Variants in PRKN observed in about 807,000 individuals in gnomAD.
The protein encoded by PRKN is parkin RBR E3 ubiquitin protein ligase, also known as E3 ubiquitin-protein ligase parkin.
Under a neutral mutation model 59.5 loss-of-function variants are expected in PRKN, and 56 were observed. The observed-to-expected ratio is 0.94, with a 90% confidence interval of 0.76 to 1.18. The LOEUF is 1.18. Ranked by LOEUF, PRKN falls within the 50% of genes most tolerant of loss-of-function variation. PRKN has a pLI of 0.00. For missense variants in PRKN, 657 were observed against 596.4 expected, an observed-to-expected ratio of 1.10 and a Z score of -1.06; for synonymous variants, 250 against 222.1, an observed-to-expected ratio of 1.13 and a Z score of -1.12.
chr6:161,520,798 C>T (rs1778792063), intron 9 of PRKN, among the ~76,000 whole-genome samples: 1 of 152,150 alleles, frequency 6.6e-6, no homozygotes, highest in Non-Finnish European at 1.5e-5. Flanking sequence ...GATGAGAAAG[C>T]TGTTCTTCCA....
intron 1 of PRKN, among the ~76,000 whole-genome samples, chr6:162,620,933 TC>T (rs1395680625): frequency 2.6e-5 from 4 of 152,228 alleles, no homozygotes; most frequent in African/African-American, 7.2e-5. Flanking sequence ...AAATTAATTT[TC>T]TCTCAGGTCT....
At chr6:162,174,936 C>T (rs2128320922) in intron 4 of PRKN, among the ~76,000 whole-genome samples, 1 of 152,288 alleles carries the variant, frequency 6.6e-6, no homozygotes, top group African/African-American at 2.4e-5. Flanking sequence ...TGTGCTACAG[C>T]TGGAGAAATT....
chr6:162,014,609 G>C (rs985354921), intron 5 of PRKN, among the ~76,000 whole-genome samples: 1 of 152,142 alleles, frequency 6.6e-6, no homozygotes. Flanking sequence ...GAACGGAAGC[G>C]AGCTGGTGCT....
chr6:162,725,273 C>G (rs1779098076), intron 1 of PRKN, among the ~76,000 whole-genome samples: 1 of 152,184 alleles, frequency 6.6e-6, no homozygotes, highest in African/African-American at 2.4e-5. Flanking sequence ...CAGAAAATCC[C>G]AGATACATAC....
chr6:162,581,223 A>T (rs1044728274), intron 1 of PRKN, among the ~76,000 whole-genome samples: 1 of 152,232 alleles, frequency 6.6e-6, no homozygotes, highest in Non-Finnish European at 1.5e-5. Context: ...TGAAGGTCAA[A>T]AGAGACAGTT....
chr6:161,460,868 GC>G lies in PRKN; in HGVS notation c.1084-73992del, dbSNP rs897781090. On this transcript the variant is annotated intron_variant, in intron 9 of 11. Coordinates refer to ENST00000366898, the MANE Select transcript of PRKN (RefSeq NM_004562.3). This position sits in a 1 kb window ranked among gnomAD's most constrained non-coding sequence, Gnocchi z 5.0. ...TGGTTCAAGCAATTCTCCTGCCTCGGCCTCCCAAGTAGCTGGGACTACAGGT... is the reference window on the plus strand; with the variant it reads ...TGGTTCAAGCAATTCTCCTGCCTCGGCTCCCAAGTAGCTGGGACTACAGGT... Among the ~76,000 whole-genome samples the G allele has an allele frequency of 4.6e-5, 7 of 151,648 alleles. No homozygotes were observed. The highest frequency in any genetic ancestry group is 1.7e-4 in the African/African-American group (7 of 41,374).
At chr6:161,867,147 T>C (rs1033242865) in intron 6 of PRKN, among the ~76,000 whole-genome samples, 1 of 152,188 alleles carries the variant, frequency 6.6e-6, no homozygotes, top group African/African-American at 2.4e-5. Flanking sequence ...ATATTGCGAG[T>C]TGATTTTGTC....
At chr6:161,954,222 A>G (rs78063699) in intron 6 of PRKN, among the ~76,000 whole-genome samples, 4 of 152,296 alleles carry the variant, frequency 2.6e-5, no homozygotes, top group African/African-American at 9.6e-5. Context: ...TTAGAGGCAT[A>G]TGGCTTCTGT....
intron 7 of PRKN, among the ~76,000 whole-genome samples, chr6:161,628,671 T>C (rs1401712861): frequency 2.0e-5 from 3 of 152,190 alleles, no homozygotes; most frequent in South Asian, 2.1e-4. Flanking sequence ...AGTAGAGACA[T>C]AGCACTTAGA....
chr6:162,236,043 G>A (rs1034400954), intron 3 of PRKN, among the ~76,000 whole-genome samples: 9 of 150,952 alleles, frequency 6.0e-5, no homozygotes, highest in African/African-American at 2.2e-4. Context: ...CCTTCAGTGT[G>A]ATCAAAAACA....
intron 2 of PRKN, among the ~76,000 whole-genome samples, chr6:162,283,912 C>G (rs141315255): frequency 2.0e-5 from 3 of 152,318 alleles, no homozygotes; most frequent in Middle Eastern, 3.4e-3. Flanking sequence ...TCTCCAGATT[C>G]ACCTTAATTT....
At chr6:162,092,530 A>G (rs914261227) in intron 4 of PRKN, among the ~76,000 whole-genome samples, 1 of 152,146 alleles carries the variant, frequency 6.6e-6, no homozygotes, top group East Asian at 1.9e-4. Flanking sequence ...AATTGCATGC[A>G]TTATTATGTT....
In PRKN at chr6:161,588,305, G is replaced by C. The variant is rs928660233; in HGVS notation, c.872-18889C>G. Among the ~76,000 whole-genome samples, 2 of 151,988 alleles carry C rather than the reference G, an allele frequency of 1.3e-5. No homozygotes were observed. The highest frequency in any genetic ancestry group is 6.6e-5 in the Admixed American group (1 of 15,258). On this transcript the variant is annotated intron_variant, in intron 7 of 11. Transcript: ENST00000366898. This position sits in a 1 kb window ranked among gnomAD's most constrained non-coding sequence, Gnocchi z 5.0. ...AGGCTGAGGCAGGAGAATTGCCTCA[G>C]GAGGAGGCAGGTTGTGGTGAGCCGA...
intron 6 of PRKN, among the ~76,000 whole-genome samples, chr6:161,860,136 T>C (rs12524695): frequency 0.42 from 64,148 of 151,926 alleles, 13,985 homozygotes; most frequent in East Asian, 0.67. Flanking sequence ...TAAGAAAATA[T>C]TAACTGCAAA....
In PRKN at chr6:161,592,745, G is replaced by A. The variant is rs946835558; in HGVS notation, c.872-23329C>T. On this transcript the variant is annotated intron_variant, in intron 7 of 11. Coordinates refer to ENST00000366898, the MANE Select transcript of PRKN (RefSeq NM_004562.3). This position sits in a 1 kb window ranked among gnomAD's most constrained non-coding sequence, Gnocchi z 4.8. ...CCTTGTGCAGACCAAGGGACAGCCAGGACCAGCACTAGGAGGACGAGGGAA... is the reference window on the plus strand; with the variant it reads ...CCTTGTGCAGACCAAGGGACAGCCAAGACCAGCACTAGGAGGACGAGGGAA... Among the ~76,000 whole-genome samples, 5 of 152,120 alleles carry A rather than the reference G, an allele frequency of 3.3e-5. No individual in the cohort carries two copies. The highest frequency in any genetic ancestry group is 1.3e-4 in the Admixed American group (2 of 15,278).
At position 161,574,243 on chromosome 6, in the gene PRKN, C is replaced by T. The variant is rs117679918; in HGVS notation, c.872-4827G>A. On this transcript the variant is annotated intron_variant, in intron 7 of 11. Coordinates refer to ENST00000366898, the MANE Select transcript of PRKN (RefSeq NM_004562.3). The stretch of plus-strand genomic sequence containing the variant: ...GGGCTTAAAAATAACAAAACTGGAA[C>T]TGCAAGACGGGCCCACAGAATGCAT... Among the ~76,000 whole-genome samples, 618 of 152,194 alleles carry T rather than the reference C, an allele frequency of 4.1e-3. 2 individuals carry two copies. Among genetic ancestry groups the T allele is most frequent in the South Asian group, 7.9e-3 (38 of 4,812 alleles).
chr6:162,463,287 A>G (rs1057472302), intron 1 of PRKN, among the ~76,000 whole-genome samples: 1 of 152,178 alleles, frequency 6.6e-6, no homozygotes, highest in Non-Finnish European at 1.5e-5. Context: ...GATTATTCCA[A>G]GCACAAAGTT....
intron 7 of PRKN, among the ~76,000 whole-genome samples, chr6:161,701,550 T>C (rs1436110794): frequency 6.6e-6 from 1 of 152,248 alleles, no homozygotes; most frequent in Non-Finnish European, 1.5e-5. Flanking sequence ...CTGTAGTTTT[T>C]ACATTTAACC....
chr6:162,243,144 T>G (rs770806625), intron 3 of PRKN, among the ~76,000 whole-genome samples: 11 of 152,118 alleles, frequency 7.2e-5, no homozygotes, highest in Non-Finnish European at 1.5e-4. Flanking sequence ...AAATTACCAG[T>G]GTGTGTTCTG....
Sources: allele counts gnomAD v4.1 joint callset (sites outside exome capture counted in the v4.1 genomes callset), GRCh38; gene constraint gnomAD v4.1.1; non-coding constraint Gnocchi (gnomAD v3.1); transcripts MANE v1.5; gene names NCBI Gene and HGNC (gene_info 2026-07-23, HGNC 2026-07-21).